Variants in DIP2B observed in about 807,000 individuals in gnomAD.
The protein encoded by DIP2B is DIP2 acetate--CoA ligase B (putative), also known as disco-interacting protein 2 homolog B.
DIP2B carries 76 observed loss-of-function variants against 198.0 expected under a neutral mutation model. That is an observed-to-expected ratio of 0.38 (90% CI 0.32 to 0.46). DIP2B has a LOEUF of 0.46. Among genes scored for constraint, DIP2B ranks in the 20% least tolerant of loss-of-function variants. The pLI, the probability that DIP2B is intolerant of heterozygous loss-of-function variation, is 0.99. For synonymous variants in DIP2B, 701 were observed against 739.1 expected (o/e 0.95, Z 0.84); for missense variants, 1,559 against 1,978.4 (o/e 0.79, Z 4.02).
In DIP2B at chr12:50,695,116, A is replaced by G. The variant is rs115820223; in HGVS notation, c.1720-151A>G. The G allele has an allele frequency of 7.0e-4, 406 of 581,030 alleles. No individual in the cohort carries two copies. In the African/African-American group the frequency reaches 7.0e-3, roughly 10 times the overall value. The allele number at this position is 581,030 out of a possible 1,614,324, so 36.0% of individuals were successfully genotyped here. On this transcript the variant is annotated intron_variant, in intron 14 of 37. Coordinates refer to ENST00000301180, the MANE Select transcript of DIP2B (RefSeq NM_173602.3). ...GAGGGTAGGTATTAAAGGAACTTCAATCTTATATTTAATATTTAAGATTGT... is the reference window on the plus strand; with the variant it reads ...GAGGGTAGGTATTAAAGGAACTTCAGTCTTATATTTAATATTTAAGATTGT...
chr12:50,722,256 T>TA (rs1939852492), intron 26 of DIP2B, among the ~76,000 whole-genome samples: 1 of 57,888 alleles, frequency 1.7e-5, no homozygotes, highest in Non-Finnish European at 3.8e-5. Context: ...TTTGTTTGTT[T>TA]ATTTTATTTT....
chr12:50,517,002 C>T (rs1472930945), intron 1 of DIP2B, among the ~76,000 whole-genome samples: 8 of 151,944 alleles, frequency 5.3e-5, no homozygotes, highest in East Asian at 3.9e-4. Flanking sequence ...TCTCAAAATC[C>T]GCCTCCCGGG....
At chr12:50,744,447 T>C (rs913185795) in intron 37 of DIP2B, 140 bp from the exon 38 acceptor site, 3 of 1,085,514 alleles carry the variant, frequency 2.8e-6, no homozygotes, top group Non-Finnish European at 4.0e-6. Flanking sequence ...AAAGGTGTCA[T>C]ATATGGTAGA....
chr12:50,721,603 G>A (rs1284452450), intron 26 of DIP2B, among the ~76,000 whole-genome samples: 1 of 152,092 alleles, frequency 6.6e-6, no homozygotes, highest in African/African-American at 2.4e-5. Context: ...GACCATGTCT[G>A]TTTTTGTACC....
At chr12:50,612,264 G>A (rs989766630) in intron 1 of DIP2B, among the ~76,000 whole-genome samples, 2 of 152,070 alleles carry the variant, frequency 1.3e-5, no homozygotes, top group African/African-American at 2.4e-5. Flanking sequence ...AAAGCAGATA[G>A]GGAAATAGGC....
intron 21 of DIP2B, among the ~76,000 whole-genome samples, chr12:50,707,578 C>T (rs574078730): frequency 2.6e-5 from 4 of 152,196 alleles, no homozygotes; most frequent in South Asian, 2.1e-4. Context: ...CTGGAGGCTT[C>T]GGCTGTGGCA....
intron 1 of DIP2B, among the ~76,000 whole-genome samples, chr12:50,535,369 T>A (rs1041274936): frequency 2.0e-4 from 16 of 80,730 alleles, no homozygotes; most frequent in Admixed American, 6.0e-4. Flanking sequence ...AATCAGGAAA[T>A]TTTTTTTTTT....
At chr12:50,517,506 G>T (rs758899939) in intron 1 of DIP2B, among the ~76,000 whole-genome samples, 2 of 151,964 alleles carry the variant, frequency 1.3e-5, no homozygotes, top group African/African-American at 2.4e-5. Context: ...AGCCTGTCTC[G>T]GTCTCTTCTC....
rs1938719096 is a variant in DIP2B at position 50,664,830 on chromosome 12, GTTTTTGT to G, written c.427+4517_427+4523del. 3.0e-5 allele frequency among the ~76,000 whole-genome samples: 3 copies of G among 99,686 alleles called. 1 individual carries two copies. Among genetic ancestry groups the G allele is most frequent in the African/African-American group, 4.2e-5 (1 of 23,964 alleles). The allele number at this position is 99,686 out of a possible 152,430, so 65.4% of individuals were successfully genotyped here. A position where few individuals can be genotyped will look rare whatever the true frequency, so the allele number is the denominator to read the frequency against. On this transcript the variant is annotated intron_variant, in intron 4 of 37. Transcript: ENST00000301180. Reference sequence around the variant, plus strand: ...CAAGGAGAATTTCCCTCCTTTTTTGGTTTTTGTTTTTTTTTTTTTTTTTTTTTTTTTT... The same window carrying G: ...CAAGGAGAATTTCCCTCCTTTTTTGGTTTTTTTTTTTTTTTTTTTTTTTTT...
At chr12:50,741,643 A>G in intron 37 of DIP2B, 104 bp downstream of exon 37, 2 of 1,423,578 alleles carry the variant, frequency 1.4e-6, no homozygotes, top group South Asian at 2.7e-5. Flanking sequence ...CTTGAAACAT[A>G]GAGCTCCATG....
Position 50,640,781 on chromosome 12 carries a change from C to T in DIP2B, c.230C>T (p.Ala77Val), listed in dbSNP as rs777790839. ...LRNQTPAPSA[A>V]QTSAPSKYHR... ...AACCAGACACCTGCTCCATCTGCAG[C>T]TCAAACTTCTGCTCCCTCTAAGTAC... Residue 77 changes from alanine to valine, a missense_variant, in exon 3 of 38, where the codon GCT (alanine) becomes GTT (valine). Physicochemically the swap from Ala to Val is moderately conservative, Grantham distance 64 (BLOSUM62 0). Transcript: ENST00000301180. The T allele has an allele frequency of 1.9e-6, 3 of 1,614,054 alleles. No homozygotes were observed. Among genetic ancestry groups the T allele is most frequent in the Non-Finnish European group, 1.7e-6 (2 of 1,179,926 alleles).
At chr12:50,523,634 C>G (rs1958138954) in intron 1 of DIP2B, among the ~76,000 whole-genome samples, 1 of 152,128 alleles carries the variant, frequency 6.6e-6, no homozygotes, top group Non-Finnish European at 1.5e-5. Flanking sequence ...TGAGGTGATA[C>G]TTGGCCTTAC....
chr12:50,578,029 C>G (rs552775744), intron 1 of DIP2B, among the ~76,000 whole-genome samples: 8 of 152,070 alleles, frequency 5.3e-5, no homozygotes, highest in African/African-American at 1.7e-4. Flanking sequence ...CTATTTTTTT[C>G]TTTTGAGACA....
chr12:50,637,938 A>G (rs1938188083), intron 2 of DIP2B, among the ~76,000 whole-genome samples: 1 of 152,154 alleles, frequency 6.6e-6, no homozygotes, highest in Non-Finnish European at 1.5e-5. Flanking sequence ...ACTCTGATGT[A>G]TTTTTCTGCC....
intron 1 of DIP2B, among the ~76,000 whole-genome samples, chr12:50,615,171 A>G (rs1268849813): frequency 2.0e-5 from 3 of 152,354 alleles, no homozygotes; most frequent in Non-Finnish European, 4.4e-5. Context: ...CACTAGAAAC[A>G]GTTTTCTAAT....
intron 1 of DIP2B, among the ~76,000 whole-genome samples, chr12:50,538,074 T>G (rs1958286183): frequency 6.6e-6 from 1 of 152,146 alleles, no homozygotes; most frequent in Admixed American, 6.6e-5. Flanking sequence ...CCGAGGAGTC[T>G]TCATAGGGCT....
Position 50,746,128 on chromosome 12 carries a change from T to C in DIP2B, c.*1289T>C, listed in dbSNP as rs774954162. 6.6e-6 allele frequency: 1 copy of C among 152,246 alleles called. No homozygotes were observed. Among genetic ancestry groups the C allele is most frequent in the Non-Finnish European group, 1.5e-5 (1 of 68,034 alleles). 9.4% of individuals were successfully genotyped at this position (152,246 alleles called of 1,614,324 possible). A position where few individuals can be genotyped will look rare whatever the true frequency, so the allele number is the denominator to read the frequency against. ...AAATAACTTTGGTGCCCAGGCCAAG[T>C]AGAATGAGATGAGACTGAGTTTGGC... On this transcript the variant is annotated 3_prime_UTR_variant, in exon 38 of 38. Transcript: ENST00000301180.
chr12:50,693,149 A>G lies in DIP2B; in HGVS notation c.1719+136A>G, dbSNP rs548283274. On this transcript the variant is annotated intron_variant, in intron 14 of 37. Coordinates refer to ENST00000301180, the MANE Select transcript of DIP2B (RefSeq NM_173602.3). ...AGGTCAGTAATATTTTCCAGAGGCT[A>G]TATAACCTTTCCACTGGACAGAATG... 2.4e-3 allele frequency: 1,821 copies of G among 764,706 alleles called. 6 individuals are homozygous for G. The highest frequency in any genetic ancestry group is 9.6e-3 in the Middle Eastern group (40 of 4,148). 47.4% of individuals were successfully genotyped at this position (764,706 alleles called of 1,614,324 possible). A position where few individuals can be genotyped will look rare whatever the true frequency, so the allele number is the denominator to read the frequency against.
chr12:50,519,227 T>C (rs1958093754), intron 1 of DIP2B, among the ~76,000 whole-genome samples: 1 of 152,224 alleles, frequency 6.6e-6, no homozygotes, highest in Non-Finnish European at 1.5e-5. Context: ...TTCATACCAG[T>C]ATAACTACTG....
Sources: allele counts gnomAD v4.1 joint callset (sites outside exome capture counted in the v4.1 genomes callset), GRCh38; gene constraint gnomAD v4.1.1; transcripts MANE v1.5; gene names NCBI Gene and HGNC (gene_info 2026-07-23, HGNC 2026-07-21).